Variants in RCOR2 observed in about 807,000 individuals in gnomAD.
RCOR2 encodes REST corepressor 2.
A neutral mutation model predicts 58.9 loss-of-function variants in RCOR2; 19 were observed. The ratio of observed to expected loss-of-function variants is 0.32; its 90% CI spans 0.23 to 0.47. RCOR2 has a LOEUF of 0.47. RCOR2 is among the 20% of genes least tolerant of loss of function. RCOR2 has a pLI of 1.00. For missense variants in RCOR2, 590 were observed against 707.9 expected, an observed-to-expected ratio of 0.83 and a Z score of 1.89; for synonymous variants, 286 against 278.7, an observed-to-expected ratio of 1.03 and a Z score of -0.26.
In RCOR2 at chr11:63,911,540, G is replaced by A. The variant is rs1330176215; in HGVS notation, c.*325C>T. The stretch of plus-strand genomic sequence containing the variant: ...TGCCCTCTCCCCACTCCACGCTAAG[G>A]TCACTACCCCGGACACACAAAGGGC... On this transcript the variant is annotated 3_prime_UTR_variant, in exon 12 of 12. Transcript: ENST00000301459. The A allele has an allele frequency of 4.3e-6, 1 of 230,112 alleles. No homozygotes were observed. Among genetic ancestry groups the A allele is most frequent in the East Asian group, 1.0e-4 (1 of 9,870 alleles). 14.3% of individuals were successfully genotyped at this position (230,112 alleles called of 1,614,324 possible).
the RCOR2 span, among the ~76,000 whole-genome samples, chr11:63,924,337 A>G: frequency 1.3e-5 from 2 of 152,124 alleles, no homozygotes; most frequent in African/African-American, 4.8e-5. Context: ...TCTCCTGAGT[A>G]GCTGGGATTA....
chr11:63,923,318 C>T, the RCOR2 span, among the ~76,000 whole-genome samples: 1 of 152,000 alleles, frequency 6.6e-6, no homozygotes, highest in African/African-American at 2.4e-5. Context: ...CCCTGCACCT[C>T]CCGTACCCCA....
Position 63,913,994 on chromosome 11 carries a change from A to C in RCOR2, c.851T>G (p.Leu284Arg), listed in dbSNP as rs1941817434. ...GATGAGCTGAGAGTCAAGACCTCGG[A>C]GCGTGAGGTTGGCAAGGTCCGGGCT... ...SGSPDLANLT[L>R]RGLDSQLISL... is the part of the protein sequence containing the mutation. Residue 284 changes from leucine (L) to arginine (R), a missense_variant, in exon 8 of 12, where the codon CTC becomes CGC. By Grantham distance (102) the Leu-to-Arg change is moderately radical (BLOSUM62 -2). Around this residue, in one of 3 missense-constraint regions of RCOR2, gnomAD observed 390 missense variants for 478.7 expected, o/e 0.81. Transcript: ENST00000301459. The C allele has an allele frequency of 6.2e-7, 1 of 1,613,620 alleles. No homozygotes were observed. The highest frequency in any genetic ancestry group is 1.1e-5 in the South Asian group (1 of 91,074).
chr11:63,916,578 C>G lies in RCOR2; in HGVS notation c.-122G>C, dbSNP rs1941861351. On this transcript the variant is annotated 5_prime_UTR_variant, in exon 1 of 12. Coordinates refer to ENST00000301459, the MANE Select transcript of RCOR2 (RefSeq NM_173587.4). ...AGGTCGCCACTGAGGTTAGGAGAGG[C>G]AGGAGGTCAGCGTGGCTAGGGTCCG... 1 of 1,426,262 alleles carries G rather than the reference C, an allele frequency of 7.0e-7. No individual in the cohort carries two copies. Among genetic ancestry groups the G allele is most frequent in the Admixed American group, 2.7e-5 (1 of 36,688 alleles). 88.4% of individuals were successfully genotyped at this position (1,426,262 alleles called of 1,614,324 possible). A position where few individuals can be genotyped will look rare whatever the true frequency, so the allele number is the denominator to read the frequency against.
At position 63,914,141 on chromosome 11, in the gene RCOR2, C is replaced by A. The variant is rs376063920; in HGVS notation, c.704G>T (p.Arg235Leu). 6.2e-7 allele frequency: 1 copy of A among 1,613,722 alleles called. No individual in the cohort carries two copies. Among genetic ancestry groups the A allele is most frequent in the Admixed American group, 1.7e-5 (1 of 60,002 alleles). The stretch of plus-strand genomic sequence containing the variant: ...GACCTCCTTTTTCCCAGGGCCTGGG[C>A]GTGCATTCAGGGGCCGAGAGGGTAG... The part of the protein sequence containing the change: ...EPLPSRPLNA[R>L]PGPGKKEVQV... Residue 235 changes from arginine to leucine, a missense_variant, in exon 8 of 12, where the codon CGC (arginine) becomes CTC (leucine). Coordinates refer to ENST00000301459, the MANE Select transcript of RCOR2 (RefSeq NM_173587.4).
At chr11:63,913,491 A>G (rs868611118) in intron 8 of RCOR2, among the ~76,000 whole-genome samples, 25 of 126,694 alleles carry the variant, frequency 2.0e-4, no homozygotes, top group African/African-American at 6.9e-4. Context: ...TGCTCGGCCT[A>G]TTTTTTTTTG....
Position 63,914,110 on chromosome 11 carries a change from C to G in RCOR2, c.735G>C (p.Val245=), listed in dbSNP as rs1311474946. The change falls in exon 8 of 12, where the codon GTG becomes GTC. Residue 245 remains valine (V), a synonymous_variant. Transcript: ENST00000301459. ...GCAAGGGATGGTGGCGGTACTGAGA[C>G]ACCTGGACCTCCTTTTTCCCAGGGC... ...RPGPGKKEVQ[V]SQYRHHPLRT... is the part of the protein sequence containing the mutation. 1 of 1,613,896 alleles carries G rather than the reference C, an allele frequency of 6.2e-7. No individual in the cohort carries two copies. The highest frequency in any genetic ancestry group is 8.5e-7 in the Non-Finnish European group (1 of 1,180,008).
At position 63,914,176 on chromosome 11, in the gene RCOR2, G is replaced by A. The variant is rs4980533; in HGVS notation, c.676-7C>T. ...GGGGCCGAGAGGGTAGAGGCTGCCAGTGAAAGGAGAGGCAGGTAGGTGGTG... is the reference window on the plus strand; with the variant it reads ...GGGGCCGAGAGGGTAGAGGCTGCCAATGAAAGGAGAGGCAGGTAGGTGGTG... On this transcript the variant is annotated splice_polypyrimidine_tract_variant and splice_region_variant and intron_variant, in intron 7 of 11. Transcript: ENST00000301459. 888,051 of 1,613,410 alleles carry A rather than the reference G, an allele frequency of 0.55. 253,194 individuals are homozygous for A. Among genetic ancestry groups the A allele is most frequent in the East Asian group, 0.88 (39,613 of 44,850 alleles).
At position 63,915,524 on chromosome 11, in the gene RCOR2, A is replaced by T. The variant is rs915019641; in HGVS notation, c.184+31T>A. The T allele has an allele frequency of 2.6e-6, 4 of 1,547,210 alleles. No individual in the cohort carries two copies. In the East Asian group the frequency reaches 7.3e-5, roughly 28 times the overall value. ...GGCCAAGCCCCGGGCCTCCACCCCC[A>T]CCCCACTTCACAGCCTGTCCTGCGG... On this transcript the variant is annotated intron_variant, in intron 2 of 11. Transcript: ENST00000301459.
At position 63,912,307 on chromosome 11, in the gene RCOR2, C is replaced by T; in HGVS notation, c.1255G>A (p.Glu419Lys). 6.2e-7 allele frequency: 1 copy of T among 1,611,906 alleles called. No homozygotes were observed. Among genetic ancestry groups the T allele is most frequent in the Non-Finnish European group, 8.5e-7 (1 of 1,178,568 alleles). Reference sequence around the variant, plus strand: ...GGTTTCTCTCACCCCCTTCTCACCTCATCATCTTCCTCTAGGGCTGGGGCT... The same window carrying T: ...GGTTTCTCTCACCCCCTTCTCACCTTATCATCTTCCTCTAGGGCTGGGGCT... ...LPAPALEEDDEVQITSVSTSV... is the reference protein window; with the variant it reads ...LPAPALEEDDKVQITSVSTSV... The change falls in exon 11 of 12, where the codon GAG becomes AAG. Residue 419 changes from glutamate (E) to lysine (K), a missense_variant and splice_region_variant. Transcript: ENST00000301459.
chr11:63,913,829 CAG>C (rs1941815005), intron 8 of RCOR2, 123 bp downstream of exon 8: 2 of 908,416 alleles, frequency 2.2e-6, no homozygotes, highest in Non-Finnish European at 3.6e-6. Flanking sequence ...CCACATTACT[CAG>C]AGTCCCAGAG....
At chr11:63,918,122 G>A (rs554073053), upstream of RCOR2, among the ~76,000 whole-genome samples, 1 of 70,358 alleles carries the variant, frequency 1.4e-5, no homozygotes, top group South Asian at 5.4e-4. Flanking sequence ...CCCGCCCGCC[G>A]CCCCTCCCAC....
the RCOR2 span, among the ~76,000 whole-genome samples, chr11:63,922,680 C>T: frequency 3.9e-5 from 6 of 152,182 alleles, no homozygotes; most frequent in Admixed American, 3.3e-4. Flanking sequence ...AATATAGCTT[C>T]GATTATATCC....
At chr11:63,926,803 T>G in the RCOR2 span, among the ~76,000 whole-genome samples, 39,964 of 149,590 alleles carry the variant, frequency 0.27, 6,831 homozygotes, top group Non-Finnish European at 0.38. Flanking sequence ...TTTTGTTTTT[T>G]TTGTTGTTGT....
chr11:63,924,373 A>AT, the RCOR2 span, among the ~76,000 whole-genome samples: 2 of 151,808 alleles, frequency 1.3e-5, no homozygotes, highest in Non-Finnish European at 2.9e-5. Context: ...ATACCTGACA[A>AT]TTTTTTTGTA....
At chr11:63,922,689 C>T in the RCOR2 span, among the ~76,000 whole-genome samples, 2 of 152,186 alleles carry the variant, frequency 1.3e-5, no homozygotes, top group East Asian at 3.8e-4. Flanking sequence ...TCGATTATAT[C>T]CCATTCCTTC....
Position 63,915,540 on chromosome 11 carries a change from T to C in RCOR2, c.184+15A>G, listed in dbSNP as rs1033666010. The C allele has an allele frequency of 3.2e-5, 50 of 1,554,774 alleles. No homozygotes were observed. Among genetic ancestry groups the C allele is most frequent in the Non-Finnish European group, 3.9e-5 (45 of 1,148,274 alleles). On this transcript the variant is annotated intron_variant, in intron 2 of 11. Transcript: ENST00000301459. The stretch of plus-strand genomic sequence containing the variant: ...TCCACCCCCACCCCACTTCACAGCC[T>C]GTCCTGCGGCTCACCAGGCTTGCAC...
the RCOR2 span, among the ~76,000 whole-genome samples, chr11:63,926,337 C>G: frequency 6.6e-6 from 1 of 152,190 alleles, no homozygotes; most frequent in Non-Finnish European, 1.5e-5. Flanking sequence ...CACCTCTCAA[C>G]ACTATCCCAC....
chr11:63,919,258 G>A (rs574590509), upstream of RCOR2, among the ~76,000 whole-genome samples: 48 of 152,166 alleles, frequency 3.2e-4, no homozygotes, highest in South Asian at 3.7e-3. Flanking sequence ...AAGGGTGCAG[G>A]GTTAGAAGGG....
Sources: gnomAD v4.1 joint callset for allele counts (sites outside exome capture counted in the v4.1 genomes callset) on GRCh38, gnomAD v4.1.1 for gene constraint, gnomAD v4.1.1 regional missense constraint, MANE v1.5 for transcripts, NCBI Gene and HGNC (gene_info 2026-07-23, HGNC 2026-07-21) for gene names.